Variants in INCENP observed in about 807,000 individuals in gnomAD.
INCENP encodes inner centromere protein, also known as binds and activates aurora-B and -C in vivo and in vitro.
Under a neutral mutation model 107.3 loss-of-function variants are expected in INCENP, and 43 were observed. The ratio of observed to expected loss-of-function variants is 0.40; its 90% CI spans 0.31 to 0.52. The LOEUF (loss-of-function observed/expected upper bound fraction) is 0.52. Ranked by LOEUF, INCENP falls within the 20% of genes least tolerant of loss-of-function variation. INCENP has a pLI of 0.53. For synonymous variants in INCENP, 488 were observed against 494.4 expected (o/e 0.99, Z 0.17); for missense variants, 1,089 against 1,250.9 (o/e 0.87, Z 1.95).
At chr11:62,131,627 A>T (rs189630581) in intron 4 of INCENP, among the ~76,000 whole-genome samples, 12 of 152,310 alleles carry the variant, frequency 7.9e-5, no homozygotes, top group African/African-American at 2.9e-4. Context: ...TCATGCTCAC[A>T]CAAGAGCTTG....
intron 1 of INCENP, among the ~76,000 whole-genome samples, chr11:62,125,900 G>A (rs1943738590): frequency 6.6e-6 from 1 of 152,248 alleles, no homozygotes; most frequent in Non-Finnish European, 1.5e-5. Flanking sequence ...GCTCTGCAGA[G>A]AATTACAATC....
intron 16 of INCENP, 61 bp from the exon 17 acceptor site, chr11:62,148,663 TGGAGCGGAGGGAAGG>T: frequency 8.3e-7 from 1 of 1,204,116 alleles, no homozygotes; most frequent in South Asian, 1.4e-5. Context: ...GGGAGGAGAA[TGGAGCGGAGGGAAGG>T]GGAGGGGAGG....
intron 4 of INCENP, among the ~76,000 whole-genome samples, chr11:62,136,246 G>A (rs1359860238): frequency 6.6e-6 from 1 of 152,228 alleles, no homozygotes; most frequent in Non-Finnish European, 1.5e-5. Context: ...TGGTTCAGGT[G>A]AAAAAGTGGC....
At chr11:62,142,026 C>T (rs575925153) in intron 11 of INCENP, among the ~76,000 whole-genome samples, 2 of 152,270 alleles carry the variant, frequency 1.3e-5, no homozygotes, top group Admixed American at 6.5e-5. Context: ...TGGGTGGTAG[C>T]GTCTAGAAAC....
At position 62,140,274 on chromosome 11, in the gene INCENP, G is replaced by T; in HGVS notation, c.1332G>T (p.Pro444=). ...TDQADGPREP[P]QSARRKRSYK... ...AAGCAGATGGACCCAGAGAGCCACC[G>T]CAGAGTGCCAGGTTTGCATCCGGGA... The change falls in exon 8 of 19, where the codon CCG becomes CCT. Residue 444 remains proline (P), a synonymous_variant. Coordinates refer to ENST00000394818, the MANE Select transcript of INCENP (RefSeq NM_001040694.2). 1.9e-6 allele frequency: 3 copies of T among 1,613,454 alleles called. No homozygotes were observed. The highest frequency in any genetic ancestry group is 2.5e-6 in the Non-Finnish European group (3 of 1,179,678).
At position 62,148,545 on chromosome 11, in the gene INCENP, G is replaced by A. The variant is rs1355492225; in HGVS notation, c.2274G>A (p.Lys758=). 2 of 1,606,430 alleles carry A rather than the reference G, an allele frequency of 1.2e-6. No individual in the cohort carries two copies. Among genetic ancestry groups the A allele is most frequent in the Non-Finnish European group, 1.7e-6 (2 of 1,177,676 alleles). ...AGCTGCAGAGGGAACTGGAGGAGAA[G>A]AAGAAGAAGGTGAGGGGAGCTGGGT... is the stretch of plus-strand genomic sequence containing the variant. ...KEQLQRELEE[K]KKKEEQQRLA... The change falls in exon 16 of 19, where the codon AAG becomes AAA. Residue 758 remains lysine (K), a synonymous_variant. Coordinates refer to ENST00000394818, the MANE Select transcript of INCENP (RefSeq NM_001040694.2).
intron 8 of INCENP, among the ~76,000 whole-genome samples, 172 bp from the exon 9 acceptor site, chr11:62,140,532 G>A (rs1416817436): frequency 6.6e-6 from 1 of 152,228 alleles, no homozygotes; most frequent in East Asian, 1.9e-4. Context: ...ACCTTGGACT[G>A]TTCACCTCCC....
intron 11 of INCENP, chr11:62,141,821 A>C (rs1445054453): frequency 5.9e-6 from 3 of 512,008 alleles, no homozygotes; most frequent in Non-Finnish European, 1.1e-5. Context: ...CCTCCCCTGC[A>C]CCAGGCCCCG....
intron 15 of INCENP, 30 bp downstream of exon 15, chr11:62,146,932 C>T: frequency 6.3e-7 from 1 of 1,596,660 alleles, no homozygotes; most frequent in Non-Finnish European, 8.5e-7. Flanking sequence ...GCCTGCCTGC[C>T]TTCCATGTGT....
chr11:62,136,553 T>C (rs1403504390), intron 4 of INCENP, among the ~76,000 whole-genome samples: 1 of 152,120 alleles, frequency 6.6e-6, no homozygotes, highest in Non-Finnish European at 1.5e-5. Flanking sequence ...TGATGGTACA[T>C]GCCTGTAATT....
chr11:62,131,856 C>T (rs1943900892), intron 4 of INCENP, among the ~76,000 whole-genome samples: 1 of 152,118 alleles, frequency 6.6e-6, no homozygotes, highest in Non-Finnish European at 1.5e-5. Flanking sequence ...CGGCTCACTG[C>T]AACCTCTGCA....
chr11:62,127,807 C>T (rs1943787722), intron 1 of INCENP, among the ~76,000 whole-genome samples: 1 of 151,832 alleles, frequency 6.6e-6, no homozygotes, highest in South Asian at 2.1e-4. Flanking sequence ...TGGCAGTGCC[C>T]TGTCATCTTA....
chr11:62,133,680 C>T (rs564744659), intron 4 of INCENP, among the ~76,000 whole-genome samples: 8 of 152,218 alleles, frequency 5.3e-5, no homozygotes, highest in African/African-American at 1.7e-4. Context: ...GTCACATGGG[C>T]GTCTTCATCA....
In INCENP at chr11:62,140,232, A is replaced by G; in HGVS notation, c.1292-2A>G. 6.2e-7 allele frequency: 1 copy of G among 1,613,280 alleles called. No homozygotes were observed. Among genetic ancestry groups the G allele is most frequent in the Non-Finnish European group, 8.5e-7 (1 of 1,179,660 alleles). On this transcript the variant is annotated splice_acceptor_variant, in intron 7 of 18. Coordinates refer to ENST00000394818, the MANE Select transcript of INCENP (RefSeq NM_001040694.2). LOFTEE classifies it high-confidence loss of function. ...GCCTTGCTGAAATTGCTGTCTTCAC[A>G]GAGGCCAAGACGGACCAAGCAGATG... is the stretch of plus-strand genomic sequence containing the variant.
intron 4 of INCENP, among the ~76,000 whole-genome samples, chr11:62,134,974 C>T: frequency 6.6e-6 from 1 of 152,170 alleles, no homozygotes; most frequent in African/African-American, 2.4e-5. Flanking sequence ...TTGCTTGAAA[C>T]CGGGAGGTGG....
intron 4 of INCENP, among the ~76,000 whole-genome samples, chr11:62,131,004 C>CTCAT (rs1943882648): frequency 6.6e-6 from 1 of 152,294 alleles, no homozygotes; most frequent in East Asian, 1.9e-4. Context: ...GCAGGGCCAG[C>CTCAT]TCATTCCTCC....
At position 62,140,242 on chromosome 11, in the gene INCENP, A is replaced by T. The variant is rs201894726; in HGVS notation, c.1300A>T (p.Thr434Ser). The change falls in exon 8 of 19, where the codon ACG becomes TCG. Residue 434 changes from threonine (T) to serine (S), a missense_variant. Physicochemically the swap from Thr to Ser is moderately conservative, Grantham distance 58 (BLOSUM62 1). Transcript: ENST00000394818. The part of the protein sequence containing the change: ...TPSAGQQEAK[T>S]DQADGPREPP... ...AATTGCTGTCTTCACAGAGGCCAAG[A>T]CGGACCAAGCAGATGGACCCAGAGA... The T allele has an allele frequency of 1.1e-5, 17 of 1,613,548 alleles. No homozygotes were observed. Among genetic ancestry groups the T allele is most frequent in the Non-Finnish European group, 1.4e-5 (17 of 1,179,834 alleles).
intron 11 of INCENP, among the ~76,000 whole-genome samples, chr11:62,144,224 C>T (rs1289470960): frequency 6.6e-6 from 1 of 151,684 alleles, no homozygotes. Flanking sequence ...TCCAGCTACT[C>T]GCGAGGCTGA....
rs376450952 is a variant in INCENP, at chr11:62,140,207, G to A, written c.1292-27G>A. 1.2e-5 allele frequency: 20 copies of A among 1,611,620 alleles called. No individual in the cohort carries two copies. The South Asian group carries it at 2.1e-4, about 17-fold the overall frequency. ...CCCTGCCGCCGCCATCGTTTCTGCA[G>A]CCTTGCTGAAATTGCTGTCTTCACA... On this transcript the variant is annotated intron_variant, in intron 7 of 18. Transcript: ENST00000394818.
Sources: gnomAD v4.1 joint callset for allele counts (sites outside exome capture counted in the v4.1 genomes callset) on GRCh38, gnomAD v4.1.1 for gene constraint, MANE v1.5 for transcripts, NCBI Gene and HGNC (gene_info 2026-07-23, HGNC 2026-07-21) for gene names.